The following KLF12 variants were observed in gnomAD, a reference collection of about 807,000 sequenced individuals.
The protein encoded by KLF12 is KLF transcription factor 12.
In KLF12, 9 loss-of-function variants were observed where a neutral mutation model predicts 37.8. That is an observed-to-expected ratio of 0.24 (90% CI 0.14 to 0.42). The LOEUF (loss-of-function observed/expected upper bound fraction) is 0.42, where lower values mean the gene tolerates loss of function less well. Among genes scored for constraint, KLF12 ranks in the 10% least tolerant of loss-of-function variants. The pLI is 1.00. For missense variants in KLF12, 411 were observed against 516.0 expected, an observed-to-expected ratio of 0.80 and a Z score of 1.97; for synonymous variants, 208 against 202.1, an observed-to-expected ratio of 1.03 and a Z score of -0.25.
At chr13:73,740,421 T>C (rs1194397665) in intron 6 of KLF12, among the ~76,000 whole-genome samples, 1 of 152,222 alleles carries the variant, frequency 6.6e-6, no homozygotes, top group Non-Finnish European at 1.5e-5. Flanking sequence ...TTACAGTAGT[T>C]GAAAAAGACT....
At chr13:74,089,503 T>C (rs1875522728) in intron 1 of KLF12, among the ~76,000 whole-genome samples, 1 of 152,036 alleles carries the variant, frequency 6.6e-6, no homozygotes, top group African/African-American at 2.4e-5. Context: ...GATACTACTA[T>C]AAAACCACAA....
At chr13:74,046,460 AT>A (rs568221192) in intron 1 of KLF12, among the ~76,000 whole-genome samples, 4 of 151,894 alleles carry the variant, frequency 2.6e-5, no homozygotes, top group Non-Finnish European at 4.4e-5. Flanking sequence ...ATAGGCTTTC[AT>A]TTTTTTCACT....
chr13:74,048,266 G>A (rs1893599851), intron 1 of KLF12, among the ~76,000 whole-genome samples: 1 of 152,152 alleles, frequency 6.6e-6, no homozygotes, highest in Non-Finnish European at 1.5e-5. Context: ...TTTATTCTAA[G>A]CAGCCACACA....
At chr13:73,729,949 G>C (rs139556465) in intron 6 of KLF12, among the ~76,000 whole-genome samples, 4 of 152,158 alleles carry the variant, frequency 2.6e-5, no homozygotes, top group African/African-American at 9.6e-5. Flanking sequence ...TACGACATGT[G>C]GAAGTGTAAA....
At chr13:74,290,535 A>G in the KLF12 span, among the ~76,000 whole-genome samples, 1 of 152,242 alleles carries the variant, frequency 6.6e-6, no homozygotes, top group African/African-American at 2.4e-5. Flanking sequence ...CAAATAGAGC[A>G]GTAACCAGCA....
intron 1 of KLF12, among the ~76,000 whole-genome samples, chr13:73,999,845 T>C (rs1892225818): frequency 6.6e-6 from 1 of 152,182 alleles, no homozygotes; most frequent in Middle Eastern, 3.2e-3. Flanking sequence ...AGGAACTCCA[T>C]CATATCCAGC....
At chr13:73,971,947 T>C (rs1430380846) in intron 2 of KLF12, among the ~76,000 whole-genome samples, 1 of 152,198 alleles carries the variant, frequency 6.6e-6, no homozygotes, top group Non-Finnish European at 1.5e-5. Flanking sequence ...TATTGTTTTC[T>C]ACTCACAAAT....
rs1338362150 is a variant in KLF12 at position 73,845,860 on chromosome 13, G to A, written c.637C>T (p.Pro213Ser). ...TGGCCTCTCCCATCCTCCAAAAGCG[G>A]CACGACAATAGTGTTGTTCACATTT... The change falls in exon 4 of 8, where the codon CCG (proline) becomes TCG (serine). Residue 213 changes from proline (P) to serine (S), a missense_variant. Pro to Ser is a moderately conservative substitution (Grantham distance 74, BLOSUM62 -1). Around this residue, in one of 2 missense-constraint regions of KLF12, gnomAD observed 351 missense variants for 397.8 expected, o/e 0.88. Transcript: ENST00000377669. The A allele has an allele frequency of 1.9e-6, 3 of 1,613,990 alleles. No homozygotes were observed. Among genetic ancestry groups the A allele is most frequent in the South Asian group, 2.2e-5 (2 of 91,046 alleles).
At chr13:74,285,802 G>C in the KLF12 span, among the ~76,000 whole-genome samples, 1 of 152,148 alleles carries the variant, frequency 6.6e-6, no homozygotes, top group Admixed American at 6.5e-5. Context: ...AGATTGCAAG[G>C]TAAAAGTGCA....
At chr13:73,966,459 T>A (rs1891173856) in intron 2 of KLF12, among the ~76,000 whole-genome samples, 1 of 152,078 alleles carries the variant, frequency 6.6e-6, no homozygotes, top group Non-Finnish European at 1.5e-5. Flanking sequence ...TAGGAACAAG[T>A]GTGATTGTGA....
intron 1 of KLF12, among the ~76,000 whole-genome samples, chr13:74,109,865 T>C (rs1052987918): frequency 6.6e-6 from 1 of 152,048 alleles, no homozygotes; most frequent in African/African-American, 2.4e-5. Flanking sequence ...AAAAGCAACA[T>C]AGAAGCTTTT....
At chr13:74,082,074 T>C (rs990245134) in intron 1 of KLF12, among the ~76,000 whole-genome samples, 16 of 150,086 alleles carry the variant, frequency 1.1e-4, no homozygotes, top group African/African-American at 3.2e-4. Flanking sequence ...ACACCTGTAA[T>C]CCCAGCACTT....
chr13:73,939,193 A>T (rs1370009768), intron 3 of KLF12, among the ~76,000 whole-genome samples: 1 of 152,216 alleles, frequency 6.6e-6, no homozygotes, highest in Non-Finnish European at 1.5e-5. Flanking sequence ...CAGATTCCTC[A>T]GACTTAGGAA....
intron 1 of KLF12, among the ~76,000 whole-genome samples, chr13:74,122,070 C>T (rs1280454803): frequency 1.3e-5 from 2 of 151,660 alleles, no homozygotes; most frequent in African/African-American, 4.8e-5. Flanking sequence ...AAACAGGACA[C>T]CAGAGAGAAA....
intron 6 of KLF12, among the ~76,000 whole-genome samples, chr13:73,717,890 A>G (rs568500092): frequency 6.6e-5 from 10 of 152,330 alleles, no homozygotes; most frequent in African/African-American, 2.4e-4. Context: ...GTGATAACAG[A>G]GCAACAGTAA....
At chr13:73,899,577 T>C (rs1211102972) in intron 3 of KLF12, among the ~76,000 whole-genome samples, 1 of 152,124 alleles carries the variant, frequency 6.6e-6, no homozygotes, top group Non-Finnish European at 1.5e-5. Context: ...TAGGGGTGTT[T>C]CCATGAAAGA....
intron 3 of KLF12, among the ~76,000 whole-genome samples, chr13:73,869,855 A>G (rs1886380681): frequency 6.6e-6 from 1 of 152,204 alleles, no homozygotes; most frequent in African/African-American, 2.4e-5. Context: ...CTCCTTTGAC[A>G]AAACAAGTAC....
intron 3 of KLF12, among the ~76,000 whole-genome samples, chr13:73,878,365 A>G (rs1348526962): frequency 6.6e-6 from 1 of 152,220 alleles, no homozygotes; most frequent in African/African-American, 2.4e-5. Context: ...AACCTTAAAA[A>G]TTCAATGTTT....
intron 1 of KLF12, among the ~76,000 whole-genome samples, chr13:73,998,731 AC>A (rs1372860362): frequency 3.3e-5 from 5 of 152,214 alleles, no homozygotes; most frequent in Non-Finnish European, 7.3e-5. Flanking sequence ...CAAGGTTTCT[AC>A]CACATAAGTT....
Sources: allele counts gnomAD v4.1 joint callset (sites outside exome capture counted in the v4.1 genomes callset), GRCh38; gene constraint gnomAD v4.1.1; regional missense constraint gnomAD v4.1.1; transcripts MANE v1.5; gene names NCBI Gene and HGNC (gene_info 2026-07-23, HGNC 2026-07-21).